SLC26A5: variants seen among roughly 807,000 people sequenced by gnomAD.
The protein encoded by SLC26A5 is solute carrier family 26 member 5, also known as prestin.
A neutral mutation model predicts 81.0 loss-of-function variants in SLC26A5; 51 were observed. The ratio of observed to expected loss-of-function variants is 0.63; its 90% CI spans 0.50 to 0.80. The LOEUF (loss-of-function observed/expected upper bound fraction) is 0.80, where lower values mean the gene tolerates loss of function less well. Ranked by LOEUF, SLC26A5 falls within the 30% of genes least tolerant of loss-of-function variation. The pLI is 0.00. For synonymous variants in SLC26A5, 325 were observed against 332.8 expected (o/e 0.98, Z 0.25); for missense variants, 771 against 905.8 (o/e 0.85, Z 1.91).
intron 18 of SLC26A5, among the ~76,000 whole-genome samples, chr7:103,377,172 A>G (rs1821414756): frequency 6.6e-6 from 1 of 152,212 alleles, no homozygotes; most frequent in East Asian, 1.9e-4. Context: ...TAGAGACAGC[A>G]TCTCACTAGT....
intron 14 of SLC26A5, among the ~76,000 whole-genome samples, chr7:103,385,431 C>G (rs1822110716): frequency 6.6e-6 from 1 of 152,060 alleles, no homozygotes; most frequent in Non-Finnish European, 1.5e-5. Context: ...CCATGATTGT[C>G]TCTTAACTAT....
At chr7:103,417,998 T>C (rs767412988) in intron 4 of SLC26A5, among the ~76,000 whole-genome samples, 4 of 152,192 alleles carry the variant, frequency 2.6e-5, no homozygotes, top group Admixed American at 6.5e-5. Flanking sequence ...CACCTTGGCC[T>C]TCCAGTGTTG....
chr7:103,432,181 G>T (rs1826129645), intron 2 of SLC26A5, among the ~76,000 whole-genome samples: 1 of 152,162 alleles, frequency 6.6e-6, no homozygotes, highest in Non-Finnish European at 1.5e-5. Flanking sequence ...CTTCCAAAGT[G>T]CTGGGATTAC....
At chr7:103,362,610 G>T in intron 19 of SLC26A5, 2 of 1,474,916 alleles carry the variant, frequency 1.4e-6, no homozygotes, top group Middle Eastern at 1.7e-4. Context: ...TATGGTTTTG[G>T]GGATAAAGGA....
At chr7:103,388,970 G>T in intron 14 of SLC26A5, 38 bp downstream of exon 14, 2 of 1,441,440 alleles carry the variant, frequency 1.4e-6, no homozygotes, top group Non-Finnish European at 2.0e-6. Flanking sequence ...TGTCATCTCT[G>T]CCGGGACATT....
In SLC26A5 at chr7:103,377,657, A is replaced by G; in HGVS notation, c.1928T>C (p.Ile643Thr). The G allele has an allele frequency of 6.2e-7, 1 of 1,614,118 alleles. No individual in the cohort carries two copies. Among genetic ancestry groups the G allele is most frequent in the Non-Finnish European group, 8.5e-7 (1 of 1,180,002 alleles). The change falls in exon 18 of 20, where the codon ATT (isoleucine) becomes ACT (threonine). Residue 643 changes from isoleucine (I) to threonine (T), a missense_variant. Physicochemically the swap from Ile to Thr is moderately conservative, Grantham distance 89 (BLOSUM62 -1). Coordinates refer to ENST00000306312, the MANE Select transcript of SLC26A5 (RefSeq NM_198999.3). ...AAAATTGACTTGAGTGAAATCCAAA[A>G]TGACAGTGTGGACGTTATCCCCTGG... The part of the protein sequence containing the change: ...MPPGDNVHTV[I>T]LDFTQVNFID...
At chr7:103,362,368 G>C (rs568062363) in intron 19 of SLC26A5, 837 of 1,343,264 alleles carry the variant, frequency 6.2e-4, no homozygotes, top group Non-Finnish European at 7.5e-4. Flanking sequence ...ATAGGTTGGG[G>C]GAGTACTTGC....
intron 2 of SLC26A5, among the ~76,000 whole-genome samples, chr7:103,433,971 G>A (rs1232618581): frequency 2.0e-5 from 3 of 152,090 alleles, no homozygotes; most frequent in African/African-American, 7.2e-5. Context: ...AAAGTGCTGG[G>A]ATTACAGGCG....
At chr7:103,382,346 C>CTTTTTTTT (rs755840628) in intron 14 of SLC26A5, among the ~76,000 whole-genome samples, 9 of 114,338 alleles carry the variant, frequency 7.9e-5, no homozygotes, top group Non-Finnish European at 1.2e-4. Context: ...GCCCTATTTC[C>CTTTTTTTT]TTTTTTTTTT....
chr7:103,403,222 A>G (rs1823749654), intron 8 of SLC26A5, among the ~76,000 whole-genome samples: 1 of 152,188 alleles, frequency 6.6e-6, no homozygotes, highest in Admixed American at 6.5e-5. Flanking sequence ...ATTTGACTGC[A>G]CTGTGGTCTG....
At chr7:103,374,170 A>G (rs1316951668), downstream of SLC26A5, 5 of 1,324,380 alleles carry the variant, frequency 3.8e-6, no homozygotes, top group East Asian at 1.2e-4. Context: ...AATGTAGCAG[A>G]AATGTCTCTC....
intron 19 of SLC26A5, among the ~76,000 whole-genome samples, chr7:103,354,224 G>A (rs1471439772): frequency 2.0e-5 from 3 of 152,014 alleles, no homozygotes; most frequent in South Asian, 2.1e-4. Context: ...AATACTATTC[G>A]TGATTAAAAT....
intron 14 of SLC26A5, among the ~76,000 whole-genome samples, chr7:103,385,583 AACAT>A (rs1822124352): frequency 1.3e-5 from 2 of 152,210 alleles, no homozygotes; most frequent in Non-Finnish European, 2.9e-5. Context: ...CCTAAACTCT[AACAT>A]ACAAAGACCC....
At chr7:103,353,061 A>G (rs1179637581) in intron 19 of SLC26A5, 3 of 758,074 alleles carry the variant, frequency 4.0e-6, no homozygotes, top group Middle Eastern at 2.3e-4. Context: ...CAGCTAAGCA[A>G]ATTCAGAAAT....
rs1171849738 is a variant in SLC26A5 at position 103,446,193 on chromosome 7, G to GGCGCCGCGGGCAGTGCCGGCC, written c.-279_-278insGGCCGGCACTGCCCGCGGCGC. ...GCCTCCAGGTGCGGCTCTAGGAGGA[G>GGCGCCGCGGGCAGTGCCGGCC]GCGCCGCGGGCAGTGCCGGCCGCGC... On this transcript the variant is annotated 5_prime_UTR_variant, in exon 1 of 20. Coordinates refer to ENST00000306312, the MANE Select transcript of SLC26A5 (RefSeq NM_198999.3). 5.9e-5 allele frequency: 9 copies of GGCGCCGCGGGCAGTGCCGGCC among 151,338 alleles called. No homozygotes were observed. Among genetic ancestry groups the GGCGCCGCGGGCAGTGCCGGCC allele is most frequent in the African/African-American group, 2.2e-4 (9 of 41,318 alleles). The allele number at this position is 151,338 out of a possible 1,614,324, so 9.4% of individuals were successfully genotyped here. A position where few individuals can be genotyped will look rare whatever the true frequency, so the allele number is the denominator to read the frequency against.
chr7:103,385,156 TTTG>T (rs201951222), intron 14 of SLC26A5, among the ~76,000 whole-genome samples: 110 of 151,484 alleles, frequency 7.3e-4, no homozygotes, highest in Non-Finnish European at 1.4e-3. Flanking sequence ...TGATTGTCTC[TTTG>T]TTGTTGTTGT....
chr7:103,412,825 A>G (rs1824610873), intron 5 of SLC26A5, among the ~76,000 whole-genome samples, 177 bp downstream of exon 5: 1 of 152,132 alleles, frequency 6.6e-6, no homozygotes, highest in African/African-American at 2.4e-5. Flanking sequence ...TGCTGGGATT[A>G]CAGGGATGAG....
chr7:103,371,389 A>G (rs1455431147), downstream of SLC26A5, among the ~76,000 whole-genome samples: 1 of 143,214 alleles, frequency 7.0e-6, no homozygotes, highest in Non-Finnish European at 1.5e-5. Flanking sequence ...CAGTGGCGCG[A>G]TCTCGGCTCA....
chr7:103,412,826 C>T (rs1384697689), intron 5 of SLC26A5, among the ~76,000 whole-genome samples, 176 bp downstream of exon 5: 1 of 152,100 alleles, frequency 6.6e-6, no homozygotes, highest in Non-Finnish European at 1.5e-5. Context: ...GCTGGGATTA[C>T]AGGGATGAGC....
Sources: allele counts gnomAD v4.1 joint callset (sites outside exome capture counted in the v4.1 genomes callset), GRCh38; gene constraint gnomAD v4.1.1; transcripts MANE v1.5; gene names NCBI Gene and HGNC (gene_info 2026-07-23, HGNC 2026-07-21).